The following ITPK1 variants were observed in gnomAD, a reference collection of about 807,000 sequenced individuals.
ITPK1 encodes inositol 1,3,4-trisphosphate 5/6-kinase.
In ITPK1, 21 loss-of-function variants were observed where a neutral mutation model predicts 45.3. That is an observed-to-expected ratio of 0.46 (90% CI 0.33 to 0.67). ITPK1 has a LOEUF of 0.67. Among genes scored for constraint, ITPK1 ranks in the 30% least tolerant of loss-of-function variants. ITPK1 has a pLI of 0.02. For synonymous variants in ITPK1, 258 were observed against 253.6 expected, an observed-to-expected ratio of 1.02 and a Z score of -0.16; for missense variants, 474 against 573.5, an observed-to-expected ratio of 0.83 and a Z score of 1.77.
intron 5 of ITPK1, among the ~76,000 whole-genome samples, chr14:92,968,802 G>A (rs539787613): frequency 1.8e-4 from 27 of 152,182 alleles, no homozygotes; most frequent in Non-Finnish European, 2.2e-4. Flanking sequence ...CAGACACACC[G>A]GCTGCCTGGA....
rs144200438 is a variant in ITPK1, at chr14:92,951,141, T to C, written c.738+805A>G. On this transcript the variant is annotated intron_variant, in intron 9 of 10. Transcript: ENST00000267615. ...AAGCCCCCCAGAAGAGCAGCACACATGCATCCTCAGAACAGCAGGCTCCCT... is the reference window on the plus strand; with the variant it reads ...AAGCCCCCCAGAAGAGCAGCACACACGCATCCTCAGAACAGCAGGCTCCCT... 7.5e-3 allele frequency among the ~76,000 whole-genome samples: 1,136 copies of C among 152,320 alleles called. 13 individuals carry two copies. Among genetic ancestry groups the C allele is most frequent in the African/African-American group, 0.026 (1,072 of 41,570 alleles).
At chr14:93,019,414 G>C (rs1243793420) in intron 3 of ITPK1, among the ~76,000 whole-genome samples, 1 of 152,216 alleles carries the variant, frequency 6.6e-6, no homozygotes, top group Non-Finnish European at 1.5e-5. Flanking sequence ...CCGCATCCCC[G>C]GCGCTCCACT....
At chr14:93,114,636 T>C (rs1028698975) in intron 2 of ITPK1, among the ~76,000 whole-genome samples, 1 of 152,134 alleles carries the variant, frequency 6.6e-6, no homozygotes, top group African/African-American at 2.4e-5. Flanking sequence ...GGGCACATAG[T>C]AGGTGGTCCA....
chr14:92,990,251 A>G (rs1288989653), intron 5 of ITPK1, among the ~76,000 whole-genome samples: 2 of 152,142 alleles, frequency 1.3e-5, no homozygotes, highest in African/African-American at 4.8e-5. Context: ...AAAGAGAACT[A>G]GGCCTTCTTC....
In ITPK1 at chr14:92,941,102, T is replaced by G; in HGVS notation, c.*459A>C. 1 of 1,200,034 alleles carries G rather than the reference T, an allele frequency of 8.3e-7. No homozygotes were observed. The highest frequency in any genetic ancestry group is 1.1e-6 in the Non-Finnish European group (1 of 948,508). 74.3% of individuals were successfully genotyped at this position (1,200,034 alleles called of 1,614,324 possible). A position where few individuals can be genotyped will look rare whatever the true frequency, so the allele number is the denominator to read the frequency against. ...AACAAGGAAGGGGCAGGTCAGGGAG[T>G]GGGGAGTCAGGCAGAAGGGAAGCCA... On this transcript the variant is annotated 3_prime_UTR_variant, in exon 11 of 11. Coordinates refer to ENST00000267615, the MANE Select transcript of ITPK1 (RefSeq NM_014216.6).
At chr14:93,108,639 G>A (rs1892617995) in intron 2 of ITPK1, among the ~76,000 whole-genome samples, 1 of 152,272 alleles carries the variant, frequency 6.6e-6, no homozygotes, top group East Asian at 1.9e-4. Flanking sequence ...CCTGAGCGCA[G>A]GAGGGTGCGC....
intron 3 of ITPK1, among the ~76,000 whole-genome samples, chr14:93,057,025 C>T (rs1009217892): frequency 1.3e-5 from 2 of 152,202 alleles, no homozygotes; most frequent in Admixed American, 1.3e-4. Context: ...CATCACAGGG[C>T]ACTTTTACAG....
At chr14:92,952,088 G>T in intron 8 of ITPK1, 75 bp from the exon 9 acceptor site, 4 of 1,174,530 alleles carry the variant, frequency 3.4e-6, no homozygotes, top group South Asian at 1.3e-5. Flanking sequence ...TGACACCAGG[G>T]GGCAGCATCA....
rs1043547 is a variant in ITPK1 at position 92,940,444 on chromosome 14, G to A, written c.*1117C>T. On this transcript the variant is annotated 3_prime_UTR_variant, in exon 11 of 11. Transcript: ENST00000267615. ...GGGTGAGTCTGAGGTGTGCAGAAGCGATGGGGGGCGGGTGGCTCCCTGGCA... is the reference window on the plus strand; with the variant it reads ...GGGTGAGTCTGAGGTGTGCAGAAGCAATGGGGGGCGGGTGGCTCCCTGGCA... 8 of 1,116,142 alleles carry A rather than the reference G, an allele frequency of 7.2e-6. No individual in the cohort carries two copies. The highest frequency in any genetic ancestry group is 8.0e-5 in the East Asian group (1 of 12,478). The allele number at this position is 1,116,142 out of a possible 1,614,324, so 69.1% of individuals were successfully genotyped here.
chr14:92,941,266 A>G lies in ITPK1; in HGVS notation c.*295T>C, dbSNP rs1173218321. 2.2e-6 allele frequency: 3 copies of G among 1,373,110 alleles called. No homozygotes were observed. Among genetic ancestry groups the G allele is most frequent in the African/African-American group, 3.0e-5 (2 of 67,630 alleles). 85.1% of individuals were successfully genotyped at this position (1,373,110 alleles called of 1,614,324 possible). A position where few individuals can be genotyped will look rare whatever the true frequency, so the allele number is the denominator to read the frequency against. ...CATGGCAGCCATACGCACACCCCTC[A>G]CCTCCCATCCAGACCTAGTGTTGCA... On this transcript the variant is annotated 3_prime_UTR_variant, in exon 11 of 11. Coordinates refer to ENST00000267615, the MANE Select transcript of ITPK1 (RefSeq NM_014216.6).
chr14:93,011,805 G>A (rs556427801), intron 4 of ITPK1, among the ~76,000 whole-genome samples: 2 of 152,262 alleles, frequency 1.3e-5, no homozygotes, highest in South Asian at 4.1e-4. Flanking sequence ...AGTTCATCTT[G>A]CACTGGCAAT....
chr14:92,965,791 GT>G (rs538344387), intron 5 of ITPK1, among the ~76,000 whole-genome samples: 48 of 152,160 alleles, frequency 3.2e-4, no homozygotes, highest in African/African-American at 1.0e-3. Context: ...ATCACCTGAG[GT>G]TGGGAGTTCA....
chr14:92,938,389 A>C lies in ITPK1; in HGVS notation c.*3172T>G, dbSNP rs1248877903. The C allele has an allele frequency of 2.0e-6, 2 of 983,654 alleles. No homozygotes were observed. Among genetic ancestry groups the C allele is most frequent in the Non-Finnish European group, 3.3e-6 (2 of 611,792 alleles). The allele number at this position is 983,654 out of a possible 1,614,324, so 60.9% of individuals were successfully genotyped here. A position where few individuals can be genotyped will look rare whatever the true frequency, so the allele number is the denominator to read the frequency against. ...AACTGGTCTTCCAGGCTAGAAGGAC[A>C]AACGACAGGCTGGCTCCCTTGGTCT... On this transcript the variant is annotated 3_prime_UTR_variant, in exon 11 of 11. Coordinates refer to ENST00000267615, the MANE Select transcript of ITPK1 (RefSeq NM_014216.6).
At chr14:93,110,794 T>C (rs542838483) in intron 2 of ITPK1, among the ~76,000 whole-genome samples, 2 of 152,314 alleles carry the variant, frequency 1.3e-5, no homozygotes, top group African/African-American at 4.8e-5. Context: ...CCTCCAAGTC[T>C]CTGGAGGATG....
At chr14:92,948,884 A>C (rs1887815839) in intron 9 of ITPK1, among the ~76,000 whole-genome samples, 1 of 151,380 alleles carries the variant, frequency 6.6e-6, no homozygotes, top group African/African-American at 2.4e-5. Flanking sequence ...CCACACCCGG[A>C]TATCACCCAC....
intron 3 of ITPK1, among the ~76,000 whole-genome samples, chr14:93,072,320 A>T (rs926132245): frequency 6.6e-6 from 1 of 151,828 alleles, no homozygotes; most frequent in South Asian, 2.1e-4. Flanking sequence ...AAAAAAATTA[A>T]ATAAGTAAAA....
In ITPK1 at chr14:93,016,736, G is replaced by A. The variant is rs541218411; in HGVS notation, c.186C>T (p.Asp62=). The change falls in exon 4 of 11, where the codon GAC becomes GAT. Residue 62 remains aspartate (D), a synonymous_variant. Coordinates refer to ENST00000267615, the MANE Select transcript of ITPK1 (RefSeq NM_014216.6). This position sits in a 1 kb window ranked among gnomAD's most constrained non-coding sequence, Gnocchi z 5.0. ...CATTCTGGTCGGCTTCAAGGATGAC[G>A]TCAGTCAGCTTGTGGATGATGACGT... ...PLDVIIHKLT[D]VILEADQNDS... 2.9e-5 allele frequency: 47 copies of A among 1,614,106 alleles called. No homozygotes were observed. The highest frequency in any genetic ancestry group is 4.5e-5 in the East Asian group (2 of 44,890).
chr14:92,960,086 A>C lies in ITPK1; in HGVS notation c.505-1720T>G, dbSNP rs548896826. Among the ~76,000 whole-genome samples, 157 of 152,356 alleles carry C rather than the reference A, an allele frequency of 1.0e-3. 2 individuals carry two copies. Among genetic ancestry groups the C allele is most frequent in the Non-Finnish European group, 7.4e-5 (5 of 68,022 alleles). ...CCAGAGGGCACGTCCCTGCAATGCT[A>C]ACATGCCCCGTCTGCACAGAGAGTC... On this transcript the variant is annotated intron_variant, in intron 7 of 10. Coordinates refer to ENST00000267615, the MANE Select transcript of ITPK1 (RefSeq NM_014216.6).
chr14:93,004,174 G>A (rs1887493423), intron 4 of ITPK1, among the ~76,000 whole-genome samples: 1 of 152,238 alleles, frequency 6.6e-6, no homozygotes, highest in Non-Finnish European at 1.5e-5. Context: ...GCCCACCACA[G>A]GTGAGGGAGG....
Sources: allele counts gnomAD v4.1 joint callset (sites outside exome capture counted in the v4.1 genomes callset), GRCh38; gene constraint gnomAD v4.1.1; non-coding constraint Gnocchi (gnomAD v3.1); transcripts MANE v1.5; gene names NCBI Gene and HGNC (gene_info 2026-07-23, HGNC 2026-07-21).